GALNT13: variants seen among roughly 807,000 people sequenced by gnomAD.
GALNT13 encodes the protein polypeptide N-acetylgalactosaminyltransferase 13.
GALNT13 carries 28 observed loss-of-function variants against 64.2 expected under a neutral mutation model. That is an observed-to-expected ratio of 0.44 (90% CI 0.32 to 0.60). The LOEUF (loss-of-function observed/expected upper bound fraction) is 0.60, where lower values mean the gene tolerates loss of function less well. Among genes scored for constraint, GALNT13 ranks in the 20% least tolerant of loss-of-function variants. The pLI is 0.05. For missense variants in GALNT13, 577 were observed against 669.8 expected, an observed-to-expected ratio of 0.86 and a Z score of 1.53; for synonymous variants, 214 against 224.6, an observed-to-expected ratio of 0.95 and a Z score of 0.42.
intron 4 of GALNT13, among the ~76,000 whole-genome samples, chr2:154,189,641 A>G (rs1366363855): frequency 6.6e-6 from 1 of 152,120 alleles, no homozygotes; most frequent in East Asian, 1.9e-4. Flanking sequence ...TGGCAGTTGA[A>G]GCAGACTAAG....
intron 3 of GALNT13, among the ~76,000 whole-genome samples, chr2:154,097,096 A>G (rs1702112722): frequency 6.6e-6 from 1 of 152,028 alleles, no homozygotes; most frequent in Admixed American, 6.6e-5. Flanking sequence ...AGAAGTCTTT[A>G]TTTTTATAGA....
At chr2:153,758,582 G>C in the GALNT13 span, among the ~76,000 whole-genome samples, 18 of 151,882 alleles carry the variant, frequency 1.2e-4, no homozygotes, top group Admixed American at 9.2e-4. Flanking sequence ...TTGAGAAATA[G>C]GGACAGTTTG....
At chr2:154,285,413 G>A (rs1692207540) in intron 8 of GALNT13, among the ~76,000 whole-genome samples, 1 of 152,042 alleles carries the variant, frequency 6.6e-6, no homozygotes, top group Admixed American at 6.6e-5. Context: ...GTGTGAAATA[G>A]TACAGTTTTA....
At chr2:154,284,476 CAT>C (rs1043748957) in intron 8 of GALNT13, among the ~76,000 whole-genome samples, 11 of 149,368 alleles carry the variant, frequency 7.4e-5, no homozygotes, top group East Asian at 2.0e-4. Flanking sequence ...TGCCATTGTG[CAT>C]ATATATATAT....
chr2:153,258,155 A>G, the GALNT13 span, among the ~76,000 whole-genome samples: 3 of 152,226 alleles, frequency 2.0e-5, no homozygotes, highest in African/African-American at 4.8e-5. Context: ...TGGAAAGCCT[A>G]TGTAAAAAAT....
chr2:153,961,618 C>A (rs918713275), intron 3 of GALNT13, among the ~76,000 whole-genome samples: 1 of 151,986 alleles, frequency 6.6e-6, no homozygotes, highest in Non-Finnish European at 1.5e-5. Flanking sequence ...TTAGCAGACC[C>A]AACTTCATAG....
the GALNT13 span, among the ~76,000 whole-genome samples, chr2:153,375,099 G>T: frequency 2.0e-3 from 301 of 152,052 alleles, 2 homozygotes; most frequent in African/African-American, 6.6e-3. Context: ...ACTTTAAAAG[G>T]CTATTGCGAT....
the GALNT13 span, among the ~76,000 whole-genome samples, chr2:153,646,263 T>C: frequency 6.6e-6 from 1 of 152,042 alleles, no homozygotes. Context: ...TTAAGAATAT[T>C]AGTGACCCCT....
At chr2:153,739,629 T>C in the GALNT13 span, among the ~76,000 whole-genome samples, 1 of 61,378 alleles carries the variant, frequency 1.6e-5, no homozygotes, top group Non-Finnish European at 5.8e-5. Flanking sequence ...TTATTTATTA[T>C]TTTATTTTAT....
the GALNT13 span, among the ~76,000 whole-genome samples, chr2:153,557,596 T>C: frequency 6.6e-6 from 1 of 152,186 alleles, no homozygotes; most frequent in Non-Finnish European, 1.5e-5. Context: ...CAGTTTGCAA[T>C]CTTTATATCT....
At chr2:153,421,627 A>G in the GALNT13 span, 2 of 254,842 alleles carry the variant, frequency 7.8e-6, no homozygotes, top group Non-Finnish European at 8.6e-6. Flanking sequence ...CCAAAGGCCA[A>G]TGATCTTGCC....
chr2:153,906,192 T>G (rs1227688647), intron 2 of GALNT13, among the ~76,000 whole-genome samples: 1 of 151,816 alleles, frequency 6.6e-6, no homozygotes, highest in Non-Finnish European at 1.5e-5. Context: ...CATGTCTGGT[T>G]GTTTTTTTTT....
chr2:153,630,610 G>A, the GALNT13 span, among the ~76,000 whole-genome samples: 1 of 144,404 alleles, frequency 6.9e-6, no homozygotes, highest in South Asian at 2.2e-4. Flanking sequence ...TAACTAACCT[G>A]CACATTGTGC....
the GALNT13 span, among the ~76,000 whole-genome samples, chr2:153,706,622 A>C: frequency 6.6e-6 from 1 of 152,200 alleles, no homozygotes; most frequent in African/African-American, 2.4e-5. Flanking sequence ...TGGTTGCTTT[A>C]TGAAATAGAC....
chr2:153,603,629 ATAAT>A, the GALNT13 span, among the ~76,000 whole-genome samples: 1 of 151,974 alleles, frequency 6.6e-6, no homozygotes, highest in Non-Finnish European at 1.5e-5. Flanking sequence ...TGCTGTGAAA[ATAAT>A]TAATCCTCAA....
At chr2:153,124,765 G>T in the GALNT13 span, among the ~76,000 whole-genome samples, 1 of 152,062 alleles carries the variant, frequency 6.6e-6, no homozygotes, top group South Asian at 2.1e-4. Flanking sequence ...GCCTCCCAAA[G>T]TGCTGGGATT....
At chr2:153,732,704 C>G in the GALNT13 span, among the ~76,000 whole-genome samples, 1 of 152,012 alleles carries the variant, frequency 6.6e-6, no homozygotes, top group Admixed American at 6.6e-5. Context: ...AAAATATGTA[C>G]AGAAACTATG....
At chr2:154,329,464 T>G (rs1207638914) in intron 9 of GALNT13, among the ~76,000 whole-genome samples, 1 of 152,182 alleles carries the variant, frequency 6.6e-6, no homozygotes, top group Non-Finnish European at 1.5e-5. Flanking sequence ...GTCAAATTTA[T>G]CAGTTTTTTA....
the GALNT13 span, among the ~76,000 whole-genome samples, chr2:153,625,698 T>A: frequency 1.3e-5 from 2 of 152,078 alleles, no homozygotes; most frequent in Non-Finnish European, 2.9e-5. Context: ...AAATGGAGAA[T>A]CTTTATTATG....
Sources: gnomAD v4.1 joint callset for allele counts (sites outside exome capture counted in the v4.1 genomes callset) on GRCh38, gnomAD v4.1.1 for gene constraint, MANE v1.5 for transcripts, NCBI Gene and HGNC (gene_info 2026-07-23, HGNC 2026-07-21) for gene names.